The following SEC23B variants were observed in gnomAD, a reference collection of about 807,000 sequenced individuals.
SEC23B encodes the protein SEC23 homolog B, COPII component, also known as protein transport protein Sec23B.
SEC23B carries 77 observed loss-of-function variants against 104.3 expected under a neutral mutation model. The ratio of observed to expected loss-of-function variants is 0.74; its 90% confidence interval spans 0.61 to 0.89. The LOEUF (loss-of-function observed/expected upper bound fraction) is 0.89. Ranked by LOEUF, SEC23B falls within the 40% of genes least tolerant of loss-of-function variation. The probability of loss-of-function intolerance (pLI) is 0.00; values close to 1 mark genes in which losing one functional copy is unlikely to be tolerated. For synonymous variants in SEC23B, 338 were observed against 332.5 expected, an observed-to-expected ratio of 1.02 and a Z score of -0.18; for missense variants, 885 against 949.4, an observed-to-expected ratio of 0.93 and a Z score of 0.89.
Position 18,545,938 on chromosome 20 carries a change from G to T in SEC23B, c.1666-18G>T, listed in dbSNP as rs1346294774. On this transcript the variant is annotated intron_variant, in intron 14 of 19. Transcript: ENST00000650089. ...TTTTGTGTGTGTTTGTTTGTTTTTT[G>T]GTATTTTCTTTCCATAGTGTCAAAA... is the stretch of plus-strand genomic sequence containing the variant. 2 of 1,403,056 alleles carry T rather than the reference G, an allele frequency of 1.4e-6. No individual in the cohort carries two copies. The allele number at this position is 1,403,056 out of a possible 1,614,324, so 86.9% of individuals were successfully genotyped here.
chr20:18,556,511 T>C (rs1189114065), intron 19 of SEC23B, among the ~76,000 whole-genome samples: 1 of 152,208 alleles, frequency 6.6e-6, no homozygotes, highest in Non-Finnish European at 1.5e-5. Context: ...CTCAGAAATT[T>C]CTACTTAGAC....
chr20:18,559,133 C>G (rs73900450), intron 19 of SEC23B, among the ~76,000 whole-genome samples: 3,241 of 151,102 alleles, frequency 0.021, 114 homozygotes, highest in African/African-American at 0.073. Context: ...GTGGAGAAGT[C>G]CAGGTTTTCC....
At position 18,543,115 on chromosome 20, in the gene SEC23B, G is replaced by T; in HGVS notation, c.1608G>T (p.Ala536=). Residue 536 remains alanine (A), a synonymous_variant, in exon 14 of 20, where the codon GCG becomes GCT. Coordinates refer to ENST00000650089, the MANE Select transcript of SEC23B (RefSeq NM_006363.6). Reference sequence around the variant, plus strand: ...TGGCACGGCTTGGGGTGTTCCGAGCGGAGTCAGAGGAGGGGCCCGATGTGC... The same window carrying T: ...TGGCACGGCTTGGGGTGTTCCGAGCTGAGTCAGAGGAGGGGCCCGATGTGC... ...VLMARLGVFR[A]ESEEGPDVLR... The T allele has an allele frequency of 6.2e-7, 1 of 1,614,174 alleles. No homozygotes were observed. The highest frequency in any genetic ancestry group is 8.5e-7 in the Non-Finnish European group (1 of 1,180,034).
rs201921350 is a variant in SEC23B, at chr20:18,543,110, C to T, written c.1603C>T (p.Arg535Ter). 17 of 1,614,116 alleles carry T rather than the reference C, an allele frequency of 1.1e-5. No individual in the cohort carries two copies. Among genetic ancestry groups the T allele is most frequent in the Non-Finnish European group, 1.4e-5 (16 of 1,180,008 alleles). ...AVLMARLGVF[R>*]AESEEGPDVL... The stretch of plus-strand genomic sequence containing the variant: ...GTTGATGGCACGGCTTGGGGTGTTC[C>T]GAGCGGAGTCAGAGGAGGGGCCCGA... The change falls in exon 14 of 20, where the codon CGA becomes TGA. Residue 535 changes from arginine to a stop codon, truncating the protein, a stop_gained. Coordinates refer to ENST00000650089, the MANE Select transcript of SEC23B (RefSeq NM_006363.6). LOFTEE classifies it high-confidence loss of function.
At chr20:18,559,446 C>T (rs959308584) in intron 19 of SEC23B, among the ~76,000 whole-genome samples, 2 of 152,100 alleles carry the variant, frequency 1.3e-5, no homozygotes, top group Non-Finnish European at 2.9e-5. Flanking sequence ...TTCCTGGTTC[C>T]ATACTTAGCC....
At chr20:18,511,122 C>T in intron 2 of SEC23B, 66 bp downstream of exon 2, 2 of 1,313,812 alleles carry the variant, frequency 1.5e-6, no homozygotes, top group Non-Finnish European at 2.2e-6. Flanking sequence ...ATGTGATGCT[C>T]ATAAAAGTCA....
intron 17 of SEC23B, among the ~76,000 whole-genome samples, chr20:18,552,097 T>C (rs1261115145): frequency 6.6e-6 from 1 of 152,192 alleles, no homozygotes; most frequent in Non-Finnish European, 1.5e-5. Context: ...GATGGTGATA[T>C]TTATATTCAG....
At chr20:18,545,226 C>T (rs889962777) in intron 14 of SEC23B, among the ~76,000 whole-genome samples, 1 of 151,974 alleles carries the variant, frequency 6.6e-6, no homozygotes, top group African/African-American at 2.4e-5. Flanking sequence ...CAAGAACTAA[C>T]CCCCAAGGAG....
intron 10 of SEC23B, among the ~76,000 whole-genome samples, chr20:18,531,114 T>G (rs2060183086): frequency 6.6e-6 from 1 of 152,252 alleles, no homozygotes; most frequent in African/African-American, 2.4e-5. Flanking sequence ...TTCTTGAGGA[T>G]GACCTATATA....
rs2085118148 is a variant in SEC23B, at chr20:18,559,095, G to C, written c.2215-1556G>C. 2.0e-5 allele frequency among the ~76,000 whole-genome samples: 3 copies of C among 151,028 alleles called. No homozygotes were observed. The South Asian group carries it at 6.4e-4, about 32-fold the overall frequency. On this transcript the variant is annotated intron_variant, in intron 19 of 19. Transcript: ENST00000650089. The stretch of plus-strand genomic sequence containing the variant: ...AGGTGGTTGGTGGGGGGGGTGTCGG[G>C]GGCACTGGTGGGCTCCATTACTGCC...
chr20:18,524,923 T>C lies in SEC23B; in HGVS notation c.604-12T>C, dbSNP rs977767174. 32 of 1,613,390 alleles carry C rather than the reference T, an allele frequency of 2.0e-5. No individual in the cohort carries two copies. The highest frequency in any genetic ancestry group is 2.6e-5 in the Non-Finnish European group (31 of 1,179,652). On this transcript the variant is annotated splice_polypyrimidine_tract_variant and intron_variant, in intron 5 of 19. Coordinates refer to ENST00000650089, the MANE Select transcript of SEC23B (RefSeq NM_006363.6). ...ATTGGAAATGAATCTTTTTGGCTTT[T>C]TTTTTTTTAAGGATATGTTGGGCCT...
chr20:18,541,184 C>T lies in SEC23B; in HGVS notation c.1405-1112C>T, dbSNP rs528443004. Among the ~76,000 whole-genome samples the T allele has an allele frequency of 5.2e-5, 8 of 152,382 alleles. No individual in the cohort carries two copies. In the South Asian group the frequency reaches 8.3e-4, roughly 16 times the overall value. On this transcript the variant is annotated intron_variant, in intron 12 of 19. Transcript: ENST00000650089. ...TTTCTCCTGCAGCTTCCTTACCTCT[C>T]TCCACCTTCATAAATTGAAGAGAGT...
intron 12 of SEC23B, among the ~76,000 whole-genome samples, chr20:18,539,869 T>C (rs1261414866): frequency 6.6e-6 from 1 of 151,690 alleles, no homozygotes; most frequent in African/African-American, 2.4e-5. Context: ...GGTCTTGAAC[T>C]CCCGACCTCA....
At chr20:18,519,439 AG>A (rs1307946731) in intron 4 of SEC23B, among the ~76,000 whole-genome samples, 3 of 152,210 alleles carry the variant, frequency 2.0e-5, no homozygotes, top group African/African-American at 7.2e-5. Context: ...TGTGATTTTG[AG>A]GGTCTCTAAA....
intron 4 of SEC23B, among the ~76,000 whole-genome samples, chr20:18,521,649 G>C (rs1290006243): frequency 6.6e-6 from 1 of 152,160 alleles, no homozygotes; most frequent in Non-Finnish European, 1.5e-5. Flanking sequence ...TGGGGGAGCA[G>C]AGGCTGAGAA....
chr20:18,516,287 A>G (rs1484713440), intron 4 of SEC23B, among the ~76,000 whole-genome samples: 2 of 98,580 alleles, frequency 2.0e-5, no homozygotes, highest in African/African-American at 7.3e-5. Context: ...TTATTCATTT[A>G]TTCAGTGAGG....
In SEC23B at chr20:18,524,491, A is replaced by G. The variant is rs767501379; in HGVS notation, c.425A>G (p.Asp142Gly). ...LYVVDTCLEE[D>G]DLQALKESLQ... Reference sequence around the variant, plus strand: ...GTGGTTGACACATGCCTGGAGGAAGATGACCTTCAAGCACTCAAAGAGTCC... The same window carrying G: ...GTGGTTGACACATGCCTGGAGGAAGGTGACCTTCAAGCACTCAAAGAGTCC... The change falls in exon 5 of 20, where the codon GAT becomes GGT. Residue 142 changes from aspartate (D) to glycine (G), a missense_variant. Physicochemically the swap from Asp to Gly is moderately conservative, Grantham distance 94. Coordinates refer to ENST00000650089, the MANE Select transcript of SEC23B (RefSeq NM_006363.6). 6.2e-6 allele frequency: 10 copies of G among 1,614,092 alleles called. No individual in the cohort carries two copies. The highest frequency in any genetic ancestry group is 8.5e-6 in the Non-Finnish European group (10 of 1,180,048).
In SEC23B at chr20:18,530,717, C is replaced by T; in HGVS notation, c.1147C>T (p.Leu383Phe). The change falls in exon 10 of 20, where the codon CTC becomes TTC. Residue 383 changes from leucine (L) to phenylalanine (F), a missense_variant. Transcript: ENST00000650089. ...AATGGGAGATTCTTTCAACACTTCT[C>T]TCTTCAAGCAGACATTCCAAAGAAT... ...MVMGDSFNTS[L>F]FKQTFQRIFT... is the part of the protein sequence containing the mutation. The T allele has an allele frequency of 6.2e-7, 1 of 1,612,372 alleles. No individual in the cohort carries two copies. The highest frequency in any genetic ancestry group is 2.2e-5 in the East Asian group (1 of 44,866).
At chr20:18,555,752 A>AT (rs2060431791) in intron 19 of SEC23B, among the ~76,000 whole-genome samples, 2 of 151,986 alleles carry the variant, frequency 1.3e-5, no homozygotes, top group African/African-American at 4.8e-5. Flanking sequence ...TCTTTTACCC[A>AT]TTTTCCCTTA....
Sources: gnomAD v4.1 joint callset for allele counts (sites outside exome capture counted in the v4.1 genomes callset) on GRCh38, gnomAD v4.1.1 for gene constraint, MANE v1.5 for transcripts, NCBI Gene and HGNC (gene_info 2026-07-23, HGNC 2026-07-21) for gene names.